Variants in DNAH14 observed in about 807,000 individuals in gnomAD.
DNAH14 encodes axonemal beta dynein heavy chain 14.
Under a neutral mutation model 520.9 loss-of-function variants are expected in DNAH14, and 478 were observed. That is an observed-to-expected ratio of 0.92 (90% CI 0.85 to 0.99). The LOEUF (loss-of-function observed/expected upper bound fraction) is 0.99. DNAH14 is among the 50% of genes least tolerant of loss of function. The pLI is 0.00. For synonymous variants in DNAH14, 1,581 were observed against 1,757.2 expected, an observed-to-expected ratio of 0.90 and a Z score of 2.51; for missense variants, 4,831 against 5,234.5, an observed-to-expected ratio of 0.92 and a Z score of 2.38.
chr1:225,065,251 A>G (rs528720405), intron 17 of DNAH14, among the ~76,000 whole-genome samples: 1 of 151,954 alleles, frequency 6.6e-6, no homozygotes, highest in Admixed American at 6.6e-5. Context: ...ATTGTTGTAT[A>G]TATTTATAGG....
intron 10 of DNAH14, 129 bp downstream of exon 10, chr1:225,007,673 C>G (rs2064288089): frequency 1.7e-6 from 1 of 582,466 alleles, no homozygotes; most frequent in Admixed American, 4.1e-5. Flanking sequence ...AATTAACCAA[C>G]TAACTGGTAC....
chr1:225,263,764 C>G (rs2093019696), intron 46 of DNAH14, among the ~76,000 whole-genome samples: 1 of 151,926 alleles, frequency 6.6e-6, no homozygotes, highest in African/African-American at 2.4e-5. Context: ...ACTGTATACT[C>G]AATATTTAAG....
chr1:225,038,567 G>A, intron 11 of DNAH14, 127 bp from the exon 12 acceptor site: 1 of 806,576 alleles, frequency 1.2e-6, no homozygotes, highest in Non-Finnish European at 1.9e-6. Context: ...TTTGCAGAAA[G>A]GTCTAGTCAG....
At chr1:225,354,131 G>A in intron 73 of DNAH14, 1 of 704,014 alleles carries the variant, frequency 1.4e-6, no homozygotes. Flanking sequence ...CAGAAAGGAG[G>A]ACTCATAGCC....
At chr1:225,075,160 A>G (rs890197994) in intron 17 of DNAH14, among the ~76,000 whole-genome samples, 2 of 152,188 alleles carry the variant, frequency 1.3e-5, no homozygotes, top group African/African-American at 4.8e-5. Flanking sequence ...TCCTGCCCCA[A>G]GGGTTGCAAA....
chr1:225,256,299 G>A (rs896426319), intron 44 of DNAH14, among the ~76,000 whole-genome samples: 4 of 152,182 alleles, frequency 2.6e-5, no homozygotes, highest in African/African-American at 9.7e-5. Flanking sequence ...GAGAGAATTA[G>A]TGCGCACGTG....
At chr1:224,936,963 A>G (rs1458614864) in intron 1 of DNAH14, among the ~76,000 whole-genome samples, 1 of 152,060 alleles carries the variant, frequency 6.6e-6, no homozygotes, top group African/African-American at 2.4e-5. Flanking sequence ...ACCAGGAACA[A>G]AAATCATATG....
At position 224,955,082 on chromosome 1, in the gene DNAH14, G is replaced by T. The variant is rs766953503; in HGVS notation, c.201G>T (p.Lys67Asn). The T allele has an allele frequency of 1.5e-5, 24 of 1,609,308 alleles. No individual in the cohort carries two copies. The South Asian group carries it at 2.3e-4, about 16-fold the overall frequency. ...KTVRTFSESLKSEKTEDYLRE... is the reference protein window; with the variant it reads ...KTVRTFSESLNSEKTEDYLRE... The stretch of plus-strand genomic sequence containing the variant: ...TTAGAACATTCTCTGAATCTTTGAA[G>T]TCAGAGAAAACAGAAGGTATTTATC... The change falls in exon 3 of 86, where the codon AAG becomes AAT. Residue 67 changes from lysine to asparagine, a missense_variant. Coordinates refer to ENST00000682510, the MANE Select transcript of DNAH14 (RefSeq NM_001367479.1).
intron 17 of DNAH14, among the ~76,000 whole-genome samples, chr1:225,061,227 C>A (rs1461155541): frequency 1.3e-5 from 2 of 152,224 alleles, no homozygotes; most frequent in African/African-American, 4.8e-5. Context: ...GTGCCCCTCC[C>A]CTAGCCTCAC....
intron 8 of DNAH14, among the ~76,000 whole-genome samples, chr1:224,989,406 A>G (rs976835607): frequency 3.9e-5 from 6 of 152,192 alleles, no homozygotes; most frequent in Non-Finnish European, 7.3e-5. Context: ...ATTGATTTTC[A>G]TATATTGATC....
intron 54 of DNAH14, among the ~76,000 whole-genome samples, chr1:225,281,917 C>T (rs2093634604): frequency 6.6e-6 from 1 of 152,140 alleles, no homozygotes; most frequent in Admixed American, 6.6e-5. Context: ...GTTAACAACA[C>T]TGTATTATAT....
At chr1:225,153,892 A>G in intron 34 of DNAH14, 66 bp downstream of exon 34, 2 of 1,240,750 alleles carry the variant, frequency 1.6e-6, no homozygotes, top group South Asian at 1.4e-5. Flanking sequence ...AATTTGTAGA[A>G]TTACGGGTGA....
chr1:225,374,802 G>A lies in DNAH14; in HGVS notation c.12433G>A (p.Asp4145Asn). ...IYGGRVIDNW[D>N]KRCLKTLLYK... The stretch of plus-strand genomic sequence containing the variant: ...CGGTGGCCGGGTGATTGATAATTGG[G>A]ACAAGCGATGCTTGAAGACCCTACT... Residue 4145 changes from aspartate to asparagine, a missense_variant, in exon 78 of 86, where the codon GAC (aspartate) becomes AAC (asparagine). By Grantham distance (23) the Asp-to-Asn change is conservative (BLOSUM62 1). Transcript: ENST00000682510. The A allele has an allele frequency of 6.4e-7, 1 of 1,551,546 alleles. No homozygotes were observed. Among genetic ancestry groups the A allele is most frequent in the Non-Finnish European group, 8.7e-7 (1 of 1,146,956 alleles).
chr1:225,025,578 A>C (rs770613679), intron 11 of DNAH14, among the ~76,000 whole-genome samples: 3 of 151,500 alleles, frequency 2.0e-5, no homozygotes, highest in Non-Finnish European at 4.4e-5. Flanking sequence ...CAAAAACAAC[A>C]ACAACAACAA....
chr1:225,308,322 C>A lies in DNAH14; in HGVS notation c.9152C>A (p.Ser3051Ter). Residue 3051 changes from serine (S) to a stop codon, truncating the protein, a stop_gained, in exon 60 of 86, where the codon TCA (serine) becomes TAA (stop). Transcript: ENST00000682510. LOFTEE classifies it high-confidence loss of function. Reference protein sequence around the residue: ...ETLMEKLRKDSQVVEKVQMLV... With the variant: ...ETLMEKLRKD ...CTAATGGAAAAACTACGGAAAGATT[C>A]ACAAGTAGTTGAGAAAGTTCAGATG... 1 of 1,541,902 alleles carries A rather than the reference C, an allele frequency of 6.5e-7. No homozygotes were observed. The highest frequency in any genetic ancestry group is 2.5e-5 in the East Asian group (1 of 40,372).
At chr1:224,979,536 A>C (rs1478284620) in intron 8 of DNAH14, among the ~76,000 whole-genome samples, 1 of 152,204 alleles carries the variant, frequency 6.6e-6, no homozygotes, top group East Asian at 1.9e-4. Flanking sequence ...TGTGGTCCTA[A>C]ATAAACTTGA....
chr1:225,165,939 CTG>C (rs989352636), intron 35 of DNAH14, among the ~76,000 whole-genome samples: 1 of 151,938 alleles, frequency 6.6e-6, no homozygotes, highest in Non-Finnish European at 1.5e-5. Flanking sequence ...CCTTGTTGCT[CTG>C]TGAGATTTTC....
intron 36 of DNAH14, among the ~76,000 whole-genome samples, chr1:225,176,732 T>TA (rs142558166): frequency 0.017 from 2,562 of 152,306 alleles, 62 homozygotes; most frequent in East Asian, 0.053. Context: ...TGTTTTTGCT[T>TA]ACTGCCATTC....
intron 1 of DNAH14, among the ~76,000 whole-genome samples, chr1:224,947,249 C>G (rs890342542): frequency 2.6e-5 from 4 of 152,056 alleles, no homozygotes; most frequent in Admixed American, 6.6e-5. Flanking sequence ...TCTGTGATTT[C>G]CATAATGTTA....
Sources: gnomAD v4.1 joint callset for allele counts (sites outside exome capture counted in the v4.1 genomes callset) on GRCh38, gnomAD v4.1.1 for gene constraint, MANE v1.5 for transcripts, NCBI Gene and HGNC (gene_info 2026-07-23, HGNC 2026-07-21) for gene names.